Variants in SIM1 observed in about 807,000 individuals in gnomAD.
The protein encoded by SIM1 is single-minded homolog 1.
A neutral mutation model predicts 78.2 loss-of-function variants in SIM1; 18 were observed. The observed-to-expected ratio is 0.23, with a 90% CI of 0.16 to 0.34. The LOEUF is 0.34. Among genes scored for constraint, SIM1 ranks in the 10% least tolerant of loss-of-function variants. The probability of loss-of-function intolerance (pLI) is 1.00; values close to 1 mark genes in which losing one functional copy is unlikely to be tolerated. For missense variants in SIM1, 939 were observed against 975.1 expected (o/e 0.96, Z 0.49); for synonymous variants, 417 against 385.2 (o/e 1.08, Z -0.97).
chr6:100,399,919 C>T (rs574112873), intron 10 of SIM1, among the ~76,000 whole-genome samples: 1 of 151,900 alleles, frequency 6.6e-6, no homozygotes, highest in South Asian at 2.1e-4. Flanking sequence ...CAAACATAAA[C>T]AAGGCAAATG....
intron 2 of SIM1, among the ~76,000 whole-genome samples, chr6:100,458,189 C>A (rs1459985436): frequency 3.3e-5 from 5 of 152,210 alleles, no homozygotes; most frequent in African/African-American, 1.2e-4. Flanking sequence ...CCAAGGAGGG[C>A]GGGGTTCGGC....
At chr6:100,458,834 A>G (rs572323055) in intron 2 of SIM1, among the ~76,000 whole-genome samples, 1 of 152,366 alleles carries the variant, frequency 6.6e-6, no homozygotes, top group South Asian at 2.1e-4. Context: ...TCTGCAGTGG[A>G]CACTGTTTTA....
chr6:100,436,367 G>A (rs1772050272), intron 9 of SIM1, among the ~76,000 whole-genome samples: 1 of 152,174 alleles, frequency 6.6e-6, no homozygotes, highest in African/African-American at 2.4e-5. Flanking sequence ...AATGCTTAAA[G>A]GCCACTAGTC....
chr6:100,419,219 T>C (rs754532691), intron 10 of SIM1, among the ~76,000 whole-genome samples: 24 of 152,164 alleles, frequency 1.6e-4, no homozygotes, highest in Non-Finnish European at 3.4e-4. Context: ...GACTAAAATA[T>C]ATATTTTATA....
intron 9 of SIM1, among the ~76,000 whole-genome samples, chr6:100,438,131 AG>A (rs1056468143): frequency 6.6e-6 from 1 of 152,240 alleles, no homozygotes; most frequent in African/African-American, 2.4e-5. Context: ...ATTAAAAAAA[AG>A]CTTCTGCGTT....
chr6:100,450,355 G>C lies in SIM1; in HGVS notation c.260C>G (p.Thr87Ser), dbSNP rs763676598. ...GRELGSHLLQ[T>S]LDGFIFVVAP... ...TACCACGAAGATGAAGCCATCCAGG[G>C]TCTGGGGAGGCACAAATAGAGAGAA... Residue 87 changes from threonine to serine, a missense_variant and splice_region_variant, in exon 4 of 12, where the codon ACC becomes AGC. Around this residue, in one of 5 missense-constraint regions of SIM1, gnomAD observed 121 missense variants for 124.6 expected, o/e 0.97. Coordinates refer to ENST00000369208, the MANE Select transcript of SIM1 (RefSeq NM_005068.3). The C allele has an allele frequency of 1.9e-6, 3 of 1,613,886 alleles. No individual in the cohort carries two copies. The highest frequency in any genetic ancestry group is 2.5e-6 in the Non-Finnish European group (3 of 1,179,892).
chr6:100,423,642 GAGGCAGAAGACAACA>G (rs1771650274), intron 9 of SIM1, among the ~76,000 whole-genome samples: 1 of 152,146 alleles, frequency 6.6e-6, no homozygotes, highest in Non-Finnish European at 1.5e-5. Context: ...ATAGAAGGAA[GAGGCAGAAGACAACA>G]AGGATGAAAC....
chr6:100,448,039 TG>T, intron 8 of SIM1, 106 bp downstream of exon 8: 1 of 867,502 alleles, frequency 1.2e-6, no homozygotes, highest in Non-Finnish European at 1.8e-6. Flanking sequence ...CCCGGCTCCC[TG>T]GGCTCCCACC....
At position 100,463,119 on chromosome 6, in the gene SIM1, C is replaced by A. The variant is rs1772896587; in HGVS notation, c.175+175G>T. 1.1e-5 allele frequency: 6 copies of A among 543,068 alleles called. No individual in the cohort carries two copies. The South Asian group carries it at 1.9e-4, about 17-fold the overall frequency. 33.6% of individuals were successfully genotyped at this position (543,068 alleles called of 1,614,324 possible). ...GGAGGTAGAGGGAGCCTCAAAAAAG[C>A]GACAGAAATTCTGAGTTCAGTGAGG... On this transcript the variant is annotated intron_variant, in intron 2 of 11. Coordinates refer to ENST00000369208, the MANE Select transcript of SIM1 (RefSeq NM_005068.3).
chr6:100,446,268 T>A (rs1431599754), intron 9 of SIM1, among the ~76,000 whole-genome samples: 1 of 152,184 alleles, frequency 6.6e-6, no homozygotes, highest in Admixed American at 6.5e-5. Context: ...TATAGTATAG[T>A]CTGATTCCAA....
Position 100,389,704 on chromosome 6 carries a change from G to A in SIM1, c.*657C>T. The A allele has an allele frequency of 2.5e-6, 1 of 398,938 alleles. No homozygotes were observed. 24.7% of individuals were successfully genotyped at this position (398,938 alleles called of 1,614,324 possible). On this transcript the variant is annotated 3_prime_UTR_variant, in exon 12 of 12. Transcript: ENST00000369208. ...GGTCCTTGTCTAACTGAAAAGCAAG[G>A]TGAAAAATTACCTCTTCCTGATTGT...
chr6:100,458,127 G>C (rs922187287), intron 2 of SIM1, among the ~76,000 whole-genome samples: 11 of 151,626 alleles, frequency 7.3e-5, no homozygotes, highest in African/African-American at 2.7e-4. Flanking sequence ...TAGAGCCTGC[G>C]GGCCAACCTG....
intron 9 of SIM1, among the ~76,000 whole-genome samples, chr6:100,421,957 G>A (rs1473041796): frequency 6.6e-6 from 1 of 152,086 alleles, no homozygotes; most frequent in African/African-American, 2.4e-5. Flanking sequence ...CTTGAACACT[G>A]TGAATCATAT....
chr6:100,459,479 A>G (rs537233669), intron 2 of SIM1, among the ~76,000 whole-genome samples: 2 of 152,350 alleles, frequency 1.3e-5, no homozygotes, highest in South Asian at 4.1e-4. Context: ...CTAATGCTCA[A>G]TCATTTCCCC....
intron 9 of SIM1, among the ~76,000 whole-genome samples, chr6:100,438,225 G>A (rs1030873575): frequency 4.6e-5 from 7 of 152,082 alleles, no homozygotes; most frequent in African/African-American, 1.7e-4. Flanking sequence ...GACAAAGAAC[G>A]AGTATTCAAA....
At chr6:100,418,148 T>A (rs181776948) in intron 10 of SIM1, among the ~76,000 whole-genome samples, 7 of 152,114 alleles carry the variant, frequency 4.6e-5, no homozygotes, top group Admixed American at 4.6e-4. Flanking sequence ...AAGACCAGCC[T>A]GAGCAACAAA....
chr6:100,424,838 C>T (rs1005055465), intron 9 of SIM1, among the ~76,000 whole-genome samples: 1 of 152,156 alleles, frequency 6.6e-6, no homozygotes, highest in East Asian at 1.9e-4. Flanking sequence ...CATATCCTAC[C>T]TTCCAAACTG....
At chr6:100,400,964 G>A (rs1163015320) in intron 10 of SIM1, among the ~76,000 whole-genome samples, 2 of 149,554 alleles carry the variant, frequency 1.3e-5, no homozygotes, top group African/African-American at 4.9e-5. Context: ...CCCACAGATT[G>A]CTTTTTAATT....
At chr6:100,425,517 G>A (rs919737058) in intron 9 of SIM1, among the ~76,000 whole-genome samples, 4 of 152,164 alleles carry the variant, frequency 2.6e-5, no homozygotes, top group African/African-American at 9.7e-5. Flanking sequence ...AGGATGGAAA[G>A]CACAATAAAA....
Sources: allele counts gnomAD v4.1 joint callset (sites outside exome capture counted in the v4.1 genomes callset), GRCh38; gene constraint gnomAD v4.1.1; regional missense constraint gnomAD v4.1.1; transcripts MANE v1.5; gene names NCBI Gene and HGNC (gene_info 2026-07-23, HGNC 2026-07-21).